Variants in FNIP1 observed in about 807,000 individuals in gnomAD.
The protein encoded by FNIP1 is folliculin interacting protein 1.
A neutral mutation model predicts 124.5 loss-of-function variants in FNIP1; 40 were observed. The ratio of observed to expected loss-of-function variants is 0.32; its 90% CI spans 0.25 to 0.42. The LOEUF (loss-of-function observed/expected upper bound fraction) is 0.42. Ranked by LOEUF, FNIP1 falls within the 10% of genes least tolerant of loss-of-function variation. The pLI is 1.00. For synonymous variants in FNIP1, 472 were observed against 470.6 expected, an observed-to-expected ratio of 1.00 and a Z score of -0.04; for missense variants, 1,176 against 1,403.7, an observed-to-expected ratio of 0.84 and a Z score of 2.59.
At chr5:131,653,854 G>T (rs1251660462) in intron 15 of FNIP1, among the ~76,000 whole-genome samples, 1 of 152,138 alleles carries the variant, frequency 6.6e-6, no homozygotes, top group African/African-American at 2.4e-5. Flanking sequence ...TGATTCTCCT[G>T]CCTCAGCCTC....
intron 11 of FNIP1, among the ~76,000 whole-genome samples, chr5:131,692,668 A>T (rs1427228789): frequency 6.6e-6 from 1 of 152,176 alleles, no homozygotes; most frequent in Non-Finnish European, 1.5e-5. Context: ...ATAAAGATAT[A>T]GTAATTAAGA....
intron 1 of FNIP1, among the ~76,000 whole-genome samples, chr5:131,758,994 T>C (rs1035320868): frequency 2.6e-5 from 4 of 151,814 alleles, no homozygotes; most frequent in African/African-American, 4.8e-5. Context: ...GGAGGGGGAA[T>C]GGTGCTTAAC....
chr5:131,670,811 T>G (rs899900812), intron 14 of FNIP1, among the ~76,000 whole-genome samples, 180 bp from the exon 15 acceptor site: 2 of 152,048 alleles, frequency 1.3e-5, no homozygotes, highest in African/African-American at 4.8e-5. Context: ...ATGGTAATAA[T>G]AGTAAAATCA....
intron 2 of FNIP1, among the ~76,000 whole-genome samples, chr5:131,743,856 T>G (rs1015939648): frequency 4.6e-5 from 7 of 152,186 alleles, no homozygotes; most frequent in African/African-American, 7.2e-5. Context: ...TACAGTATTT[T>G]GTTATAGTAG....
intron 3 of FNIP1, 99 bp from the exon 4 acceptor site, chr5:131,719,516 C>T: frequency 9.2e-7 from 1 of 1,081,246 alleles, no homozygotes; most frequent in Non-Finnish European, 1.3e-6. Flanking sequence ...AGTTATTCTA[C>T]ATTAAGAGTT....
At chr5:131,683,061 C>T (rs991261178) in intron 11 of FNIP1, among the ~76,000 whole-genome samples, 1 of 152,222 alleles carries the variant, frequency 6.6e-6, no homozygotes, top group Non-Finnish European at 1.5e-5. Flanking sequence ...TTTCCTTCCT[C>T]TTCTCAACTG....
chr5:131,648,603 T>C (rs1451930435), intron 16 of FNIP1, among the ~76,000 whole-genome samples: 1 of 152,108 alleles, frequency 6.6e-6, no homozygotes, highest in Admixed American at 6.5e-5. Flanking sequence ...CATAAGAAAA[T>C]TTTAACTGCA....
At chr5:131,768,490 G>A (rs1771515763) in intron 1 of FNIP1, among the ~76,000 whole-genome samples, 1 of 151,050 alleles carries the variant, frequency 6.6e-6, no homozygotes, top group Admixed American at 6.6e-5. Context: ...TAAAAAGGGG[G>A]GAACTTGTAT....
At chr5:131,690,199 G>T (rs1383712584) in intron 11 of FNIP1, among the ~76,000 whole-genome samples, 2 of 151,616 alleles carry the variant, frequency 1.3e-5, no homozygotes, top group Non-Finnish European at 2.9e-5. Flanking sequence ...CTCCAGCCTG[G>T]GTGACAGAGC....
chr5:131,677,980 T>G, intron 12 of FNIP1, 108 bp from the exon 13 acceptor site: 4 of 1,040,688 alleles, frequency 3.8e-6, no homozygotes, highest in Non-Finnish European at 5.4e-6. Context: ...TGTGGCCAAA[T>G]GGCACCAAAA....
intron 15 of FNIP1, among the ~76,000 whole-genome samples, chr5:131,664,634 CAAAAAAA>C (rs33956526): frequency 1.3e-5 from 1 of 77,456 alleles, no homozygotes; most frequent in East Asian, 4.0e-4. Flanking sequence ...GACCCTGTCT[CAAAAAAA>C]AAAAAAAAAA....
chr5:131,690,304 A>G (rs1768435221), intron 11 of FNIP1, among the ~76,000 whole-genome samples: 1 of 152,202 alleles, frequency 6.6e-6, no homozygotes, highest in Non-Finnish European at 1.5e-5. Flanking sequence ...ACACTAACCA[A>G]AAGAAAGCTG....
intron 1 of FNIP1, among the ~76,000 whole-genome samples, chr5:131,765,506 T>A (rs959717351): frequency 3.9e-5 from 6 of 152,312 alleles, no homozygotes; most frequent in African/African-American, 1.4e-4. Flanking sequence ...TAGGATGAGT[T>A]GAGAAATCCA....
intron 1 of FNIP1, among the ~76,000 whole-genome samples, chr5:131,783,278 T>A (rs532863488): frequency 2.0e-5 from 3 of 152,024 alleles, no homozygotes; most frequent in African/African-American, 7.2e-5. Context: ...AGAAAGAGGT[T>A]GAAAAACAGA....
chr5:131,650,053 T>C (rs1325608693), intron 16 of FNIP1, among the ~76,000 whole-genome samples: 1 of 152,224 alleles, frequency 6.6e-6, no homozygotes, highest in Non-Finnish European at 1.5e-5. Flanking sequence ...TCAAGAAATG[T>C]GAAATCTACC....
At chr5:131,747,612 C>T (rs1156564076) in intron 1 of FNIP1, among the ~76,000 whole-genome samples, 1 of 152,044 alleles carries the variant, frequency 6.6e-6, no homozygotes, top group African/African-American at 2.4e-5. Flanking sequence ...AGAACTACCA[C>T]GGGAGTCACT....
chr5:131,778,411 G>C (rs1308379680), intron 1 of FNIP1, among the ~76,000 whole-genome samples: 38 of 151,652 alleles, frequency 2.5e-4, no homozygotes, highest in Non-Finnish European at 1.5e-5. Flanking sequence ...ATCATCACTG[G>C]CCATCAGAGA....
chr5:131,673,194 C>T (rs141028186), intron 13 of FNIP1, among the ~76,000 whole-genome samples: 35 of 151,608 alleles, frequency 2.3e-4, no homozygotes, highest in African/African-American at 6.0e-4. Flanking sequence ...ACTATAAGCG[C>T]GTGCCACCAT....
At chr5:131,773,960 G>A (rs1771723233) in intron 1 of FNIP1, among the ~76,000 whole-genome samples, 2 of 152,296 alleles carry the variant, frequency 1.3e-5, no homozygotes, top group South Asian at 4.1e-4. Flanking sequence ...AAAAGAGGGA[G>A]CAGGGGGAGG....
Sources: gnomAD v4.1 joint callset for allele counts (sites outside exome capture counted in the v4.1 genomes callset) on GRCh38, gnomAD v4.1.1 for gene constraint, MANE v1.5 for transcripts, NCBI Gene and HGNC (gene_info 2026-07-23, HGNC 2026-07-21) for gene names.